Variants in GOSR1 observed in about 807,000 individuals in gnomAD.
GOSR1 encodes the protein 28 kDa Golgi SNARE protein.
Under a neutral mutation model 35.5 loss-of-function variants are expected in GOSR1, and 21 were observed. That is an observed-to-expected ratio of 0.59 (90% confidence interval 0.42 to 0.85). The LOEUF is 0.85. Among genes scored for constraint, GOSR1 ranks in the 40% least tolerant of loss-of-function variants. The pLI is 0.00. For synonymous variants in GOSR1, 94 were observed against 106.6 expected, an observed-to-expected ratio of 0.88 and a Z score of 0.73; for missense variants, 285 against 309.6, an observed-to-expected ratio of 0.92 and a Z score of 0.60.
At chr17:30,510,223 A>G (rs1439234223) in intron 6 of GOSR1, among the ~76,000 whole-genome samples, 2 of 151,960 alleles carry the variant, frequency 1.3e-5, no homozygotes, top group Non-Finnish European at 2.9e-5. Context: ...ACAGGCACAC[A>G]TTAGCATACC....
At chr17:30,505,035 A>G (rs1967350454) in intron 6 of GOSR1, among the ~76,000 whole-genome samples, 7 of 152,164 alleles carry the variant, frequency 4.6e-5, no homozygotes, top group Admixed American at 4.6e-4. Context: ...CATTGAGTTT[A>G]TTTAGTTAGA....
intron 6 of GOSR1, among the ~76,000 whole-genome samples, chr17:30,504,070 A>C (rs1256130561): frequency 2.8e-5 from 4 of 144,100 alleles, no homozygotes; most frequent in Admixed American, 2.2e-4. Context: ...TCTGTCGCCC[A>C]GGCTGGAGTG....
At chr17:30,478,796 C>G (rs1914129007) in intron 1 of GOSR1, 1 of 152,134 alleles carries the variant, frequency 6.6e-6, no homozygotes, top group Non-Finnish European at 1.5e-5. Flanking sequence ...ACCTCGTGAT[C>G]CGCCCGCCTC....
At chr17:30,512,966 T>C (rs1967666913) in intron 7 of GOSR1, among the ~76,000 whole-genome samples, 1 of 152,202 alleles carries the variant, frequency 6.6e-6, no homozygotes. Context: ...TTTTGCTAGT[T>C]AGAAAACATG....
intron 6 of GOSR1, among the ~76,000 whole-genome samples, chr17:30,499,451 C>T (rs1242758189): frequency 6.6e-6 from 1 of 151,396 alleles, no homozygotes; most frequent in Non-Finnish European, 1.5e-5. Flanking sequence ...ATGACATTCT[C>T]CTGCCTCAGC....
At chr17:30,519,154 G>A (rs1450957566) in intron 7 of GOSR1, among the ~76,000 whole-genome samples, 1 of 151,946 alleles carries the variant, frequency 6.6e-6, no homozygotes. Context: ...CCCCCCTCCT[G>A]GGCTCAATTG....
chr17:30,491,068 AAC>A (rs1174697030), intron 5 of GOSR1, among the ~76,000 whole-genome samples: 1 of 152,232 alleles, frequency 6.6e-6, no homozygotes, highest in Non-Finnish European at 1.5e-5. Flanking sequence ...TTGTAACAGT[AAC>A]AGTTTCAACA....
intron 2 of GOSR1, among the ~76,000 whole-genome samples, chr17:30,482,604 C>T (rs1435624496): frequency 2.0e-5 from 3 of 152,174 alleles, no homozygotes; most frequent in Admixed American, 6.5e-5. Context: ...GAATCTAGAT[C>T]TATCTCCAGA....
At position 30,524,799 on chromosome 17, in the gene GOSR1, A is replaced by G. The variant is rs1373461568; in HGVS notation, c.*2421A>G. The G allele has an allele frequency of 6.6e-6, 1 of 152,238 alleles. No homozygotes were observed. 9.4% of individuals were successfully genotyped at this position (152,238 alleles called of 1,614,324 possible). ...GTAAATGCTCCACAACGTATGGGCA[A>G]AAGTTTAAGGACTACTGCCTGATGT... On this transcript the variant is annotated 3_prime_UTR_variant, in exon 9 of 9. Transcript: ENST00000451249.
Position 30,525,606 on chromosome 17 carries a change from A to G in GOSR1, c.*3228A>G, listed in dbSNP as rs897844642. 6.6e-6 allele frequency: 1 copy of G among 152,194 alleles called. No individual in the cohort carries two copies. Among genetic ancestry groups the G allele is most frequent in the Non-Finnish European group, 1.5e-5 (1 of 68,036 alleles). 9.4% of individuals were successfully genotyped at this position (152,194 alleles called of 1,614,324 possible). On this transcript the variant is annotated 3_prime_UTR_variant, in exon 9 of 9. Coordinates refer to ENST00000451249, the MANE Select transcript of GOSR1 (RefSeq NM_001007025.2). ...TGGCATTTATAAAATCTGAAGTATC[A>G]TAAATAAAGTTATTTATTTAATTAT... is the stretch of plus-strand genomic sequence containing the variant.
chr17:30,482,349 A>G (rs548859822), intron 2 of GOSR1, among the ~76,000 whole-genome samples: 3 of 152,112 alleles, frequency 2.0e-5, no homozygotes, highest in Non-Finnish European at 4.4e-5. Context: ...CATTGTTTCT[A>G]ATTTTTGCTA....
In GOSR1 at chr17:30,490,207, A is replaced by G; in HGVS notation, c.424A>G (p.Lys142Glu). The G allele has an allele frequency of 1.4e-6, 2 of 1,469,854 alleles. No homozygotes were observed. Among genetic ancestry groups the G allele is most frequent in the Non-Finnish European group, 1.9e-6 (2 of 1,048,912 alleles). The allele number at this position is 1,469,854 out of a possible 1,614,324, so 91.1% of individuals were successfully genotyped here. A position where few individuals can be genotyped will look rare whatever the true frequency, so the allele number is the denominator to read the frequency against. The part of the protein sequence containing the change: ...ERENLMGSVR[K>E]DIESYKSGSG... ...GGAGAATCTTATGGGATCAGTACGA[A>G]AAGATATTGAGTAAGTTACTTTTTA... Residue 142 changes from lysine to glutamate, a missense_variant, in exon 5 of 9, where the codon AAA (lysine) becomes GAA (glutamate). Physicochemically the swap from Lys to Glu is moderately conservative, Grantham distance 56. Transcript: ENST00000451249.
At chr17:30,509,193 T>G (rs1252252073) in intron 6 of GOSR1, among the ~76,000 whole-genome samples, 26 of 152,302 alleles carry the variant, frequency 1.7e-4, no homozygotes, top group Admixed American at 1.6e-3. Context: ...GGCAGGCTGG[T>G]CAAGGACTCC....
At position 30,524,355 on chromosome 17, in the gene GOSR1, T is replaced by G. The variant is rs1968146372; in HGVS notation, c.*1977T>G. 1 of 152,220 alleles carries G rather than the reference T, an allele frequency of 6.6e-6. No homozygotes were observed. The highest frequency in any genetic ancestry group is 1.5e-5 in the Non-Finnish European group (1 of 68,054). The allele number at this position is 152,220 out of a possible 1,614,324, so 9.4% of individuals were successfully genotyped here. ...CTGTTGATATTTGGGGAAAATTCTGTTTTTCATAGATTCTTTGAGATGCTG... is the reference window on the plus strand; with the variant it reads ...CTGTTGATATTTGGGGAAAATTCTGGTTTTCATAGATTCTTTGAGATGCTG... On this transcript the variant is annotated 3_prime_UTR_variant, in exon 9 of 9. Transcript: ENST00000451249.
At chr17:30,508,790 T>C (rs1967504045) in intron 6 of GOSR1, among the ~76,000 whole-genome samples, 1 of 152,214 alleles carries the variant, frequency 6.6e-6, no homozygotes, top group South Asian at 2.1e-4. Flanking sequence ...AACCCCTTTA[T>C]TTGAACAAGT....
At position 30,484,978 on chromosome 17, in the gene GOSR1, C is replaced by T. The variant is rs1316210651; in HGVS notation, c.342+208C>T. The T allele has an allele frequency of 5.2e-6, 3 of 579,034 alleles. No homozygotes were observed. The Admixed American group carries it at 8.5e-5, about 16-fold the overall frequency. 35.9% of individuals were successfully genotyped at this position (579,034 alleles called of 1,614,324 possible). A position where few individuals can be genotyped will look rare whatever the true frequency, so the allele number is the denominator to read the frequency against. On this transcript the variant is annotated intron_variant, in intron 4 of 8. Transcript: ENST00000451249. ...AAATATCTAATAGCTCTTGCTATTT[C>T]TTGGCGAAGTTGAGTAATATTCATC...
At chr17:30,518,904 T>C (rs1296660877) in intron 7 of GOSR1, among the ~76,000 whole-genome samples, 1 of 151,834 alleles carries the variant, frequency 6.6e-6, no homozygotes, top group Non-Finnish European at 1.5e-5. Context: ...GTCACACCAC[T>C]GGGCTCCAGC....
rs1051752571 is a variant in GOSR1 at position 30,526,052 on chromosome 17, A to G, written c.*3674A>G. The stretch of plus-strand genomic sequence containing the variant: ...GGCTCCGTGGGGATCCCATGAAGGG[A>G]TTTGAGCTCTTTCAGCTCCATGTCA... On this transcript the variant is annotated 3_prime_UTR_variant, in exon 9 of 9. Coordinates refer to ENST00000451249, the MANE Select transcript of GOSR1 (RefSeq NM_001007025.2). The G allele has an allele frequency of 1.3e-5, 2 of 152,180 alleles. No individual in the cohort carries two copies. Among genetic ancestry groups the G allele is most frequent in the African/African-American group, 4.8e-5 (2 of 41,448 alleles). The allele number at this position is 152,180 out of a possible 1,614,324, so 9.4% of individuals were successfully genotyped here.
Position 30,484,253 on chromosome 17 carries a change from CAG to C in GOSR1, c.188_189del (p.Arg63AsnfsTer3). On this transcript the variant is annotated frameshift_variant, in exon 3 of 9. Transcript: ENST00000451249. LOFTEE classifies it high-confidence loss of function. ...CCCTTTTAAATGGATCAAGCCAAGA[CAG>C]AATGTTTGAGACAATGGCGATTGAG... ...TPLLNGSSQDRMFETMAIEIE... is the reference protein window; with the variant it reads ...TPLLNGSSQDXMFETMAIEIE... 4 of 1,612,018 alleles carry C rather than the reference CAG, an allele frequency of 2.5e-6. No homozygotes were observed. Among genetic ancestry groups the C allele is most frequent in the Non-Finnish European group, 3.4e-6 (4 of 1,178,178 alleles).
Sources: allele counts gnomAD v4.1 joint callset (sites outside exome capture counted in the v4.1 genomes callset), GRCh38; gene constraint gnomAD v4.1.1; transcripts MANE v1.5; gene names NCBI Gene and HGNC (gene_info 2026-07-23, HGNC 2026-07-21).